Variants in GPC6 observed in about 807,000 individuals in gnomAD.
GPC6 encodes glypican-6.
In GPC6, 14 loss-of-function variants were observed where a neutral mutation model predicts 55.2. The observed-to-expected ratio is 0.25, with a 90% confidence interval of 0.17 to 0.40. The LOEUF (loss-of-function observed/expected upper bound fraction) is 0.40, where lower values mean the gene tolerates loss of function less well. Among genes scored for constraint, GPC6 ranks in the 10% least tolerant of loss-of-function variants. The pLI, the probability that GPC6 is intolerant of heterozygous loss-of-function variation, is 1.00. For synonymous variants in GPC6, 278 were observed against 259.6 expected (o/e 1.07, Z -0.68); for missense variants, 641 against 708.5 (o/e 0.90, Z 1.08).
intron 3 of GPC6, among the ~76,000 whole-genome samples, chr13:93,955,287 A>ACC (rs1566621014): frequency 1.5e-5 from 2 of 135,394 alleles, no homozygotes; most frequent in African/African-American, 2.8e-5. Context: ...ACACACACAC[A>ACC]CCTGCCAAAC....
chr13:93,954,808 T>G (rs1879425103), intron 3 of GPC6, among the ~76,000 whole-genome samples: 1 of 152,146 alleles, frequency 6.6e-6, no homozygotes, highest in African/African-American at 2.4e-5. Context: ...GATATGAAGC[T>G]CTCCAAAACT....
At chr13:94,265,990 T>C (rs1891790076) in intron 4 of GPC6, among the ~76,000 whole-genome samples, 1 of 152,262 alleles carries the variant, frequency 6.6e-6, no homozygotes, top group Non-Finnish European at 1.5e-5. Flanking sequence ...AACTGTCTTC[T>C]CTAAACCAGG....
chr13:93,703,618 C>G (rs959007365), intron 2 of GPC6, among the ~76,000 whole-genome samples: 8 of 151,888 alleles, frequency 5.3e-5, no homozygotes, highest in Admixed American at 3.3e-4. Context: ...TTAATTAAAT[C>G]AAAAGATTTT....
chr13:94,313,862 G>A lies in GPC6; in HGVS notation c.1152+7739G>A, dbSNP rs116086445. Among the ~76,000 whole-genome samples the A allele has an allele frequency of 1.0e-3, 158 of 152,100 alleles. 1 individual carries two copies. Among genetic ancestry groups the A allele is most frequent in the African/African-American group, 3.6e-3 (150 of 41,482 alleles). Reference sequence around the variant, plus strand: ...GTTACACTTTCAGAGCCAAAATAGGGCTATTAGAGATTTTATATCTATTTT... The same window carrying A: ...GTTACACTTTCAGAGCCAAAATAGGACTATTAGAGATTTTATATCTATTTT... On this transcript the variant is annotated intron_variant, in intron 6 of 8. Transcript: ENST00000377047.
At chr13:93,314,446 G>T (rs1879173845) in intron 1 of GPC6, among the ~76,000 whole-genome samples, 1 of 152,080 alleles carries the variant, frequency 6.6e-6, no homozygotes, top group Non-Finnish European at 1.5e-5. Flanking sequence ...TGACCAGGTT[G>T]GGGAAATAAA....
intron 6 of GPC6, among the ~76,000 whole-genome samples, chr13:94,328,801 C>G (rs375519275): frequency 6.6e-6 from 1 of 152,212 alleles, no homozygotes; most frequent in African/African-American, 2.4e-5. Flanking sequence ...GGAGGAGATG[C>G]TGGCTGGGGA....
intron 4 of GPC6, among the ~76,000 whole-genome samples, chr13:94,141,755 C>A (rs1887385885): frequency 6.6e-6 from 1 of 152,092 alleles, no homozygotes; most frequent in African/African-American, 2.4e-5. Context: ...TTTTTTTTAA[C>A]AATGATCTGT....
intron 3 of GPC6, among the ~76,000 whole-genome samples, chr13:93,836,888 G>A (rs1000452461): frequency 6.6e-6 from 1 of 152,106 alleles, no homozygotes; most frequent in African/African-American, 2.4e-5. Flanking sequence ...AGAAAGTCCA[G>A]GTGTCAGTAG....
chr13:93,748,928 G>A (rs1057408755), intron 2 of GPC6, among the ~76,000 whole-genome samples: 1 of 151,946 alleles, frequency 6.6e-6, no homozygotes, highest in Non-Finnish European at 1.5e-5. Context: ...AATAGACTAC[G>A]CTGTCTTCTT....
intron 6 of GPC6, among the ~76,000 whole-genome samples, chr13:94,360,276 C>T (rs1878996889): frequency 1.3e-5 from 2 of 152,086 alleles, no homozygotes; most frequent in Admixed American, 6.6e-5. Context: ...CTTAGCACCA[C>T]CTGAAAATTA....
chr13:94,349,718 T>C (rs1215869261), intron 6 of GPC6, among the ~76,000 whole-genome samples: 1 of 152,166 alleles, frequency 6.6e-6, no homozygotes, highest in African/African-American at 2.4e-5. Flanking sequence ...AACAGTTCCT[T>C]AAGGTTCAAC....
chr13:93,699,389 A>T (rs748590672), intron 2 of GPC6, among the ~76,000 whole-genome samples: 1 of 152,066 alleles, frequency 6.6e-6, no homozygotes, highest in Non-Finnish European at 1.5e-5. Context: ...GGGTAAAGGG[A>T]AGTGGAGTGG....
chr13:93,548,480 G>A (rs1446233258), intron 2 of GPC6, among the ~76,000 whole-genome samples: 3 of 152,138 alleles, frequency 2.0e-5, no homozygotes, highest in Non-Finnish European at 1.5e-5. Flanking sequence ...TATGAGAAAT[G>A]CTTTGATTCC....
intron 1 of GPC6, among the ~76,000 whole-genome samples, chr13:93,491,779 T>G: frequency 7.7e-6 from 1 of 129,914 alleles, no homozygotes; most frequent in Non-Finnish European, 1.7e-5. Flanking sequence ...AAATAGGGAA[T>G]CCTTTCCCCA....
chr13:93,507,522 A>C (rs1053601943), intron 1 of GPC6, among the ~76,000 whole-genome samples: 12 of 152,232 alleles, frequency 7.9e-5, no homozygotes, highest in African/African-American at 1.7e-4. Flanking sequence ...TCACTACTTT[A>C]ATTCCAATGA....
At chr13:93,575,595 T>C (rs1876621147) in intron 2 of GPC6, among the ~76,000 whole-genome samples, 1 of 152,192 alleles carries the variant, frequency 6.6e-6, no homozygotes, top group African/African-American at 2.4e-5. Flanking sequence ...AATTTAGTAG[T>C]ATTAGGCCTC....
intron 3 of GPC6, among the ~76,000 whole-genome samples, chr13:93,952,067 T>A (rs1879276998): frequency 6.6e-6 from 1 of 152,146 alleles, no homozygotes; most frequent in Non-Finnish European, 1.5e-5. Flanking sequence ...GAATTAATAG[T>A]ACCATTTCAG....
intron 3 of GPC6, among the ~76,000 whole-genome samples, chr13:93,877,206 G>A (rs1484243526): frequency 2.0e-5 from 3 of 151,932 alleles, no homozygotes; most frequent in Non-Finnish European, 4.4e-5. Context: ...TTAATTAGAG[G>A]AAGAAGAATT....
At chr13:93,431,099 C>T (rs7998675) in intron 1 of GPC6, among the ~76,000 whole-genome samples, 37,010 of 151,792 alleles carry the variant, frequency 0.24, 4,482 homozygotes, top group Middle Eastern at 0.29. Context: ...TTATTGAATC[C>T]AGGAAACTGT....
Sources: gnomAD v4.1 joint callset for allele counts (sites outside exome capture counted in the v4.1 genomes callset) on GRCh38, gnomAD v4.1.1 for gene constraint, MANE v1.5 for transcripts, NCBI Gene and HGNC (gene_info 2026-07-23, HGNC 2026-07-21) for gene names.